The following FKBP1B variants were observed in gnomAD, a reference collection of about 807,000 sequenced individuals.
FKBP1B encodes the protein FKBP prolyl isomerase 1B, also known as peptidyl-prolyl cis-trans isomerase FKBP1B.
A neutral mutation model predicts 13.5 loss-of-function variants in FKBP1B; 4 were observed. That is an observed-to-expected ratio of 0.30 (90% CI 0.15 to 0.68). The LOEUF is 0.68. Among genes scored for constraint, FKBP1B ranks in the 30% least tolerant of loss-of-function variants. FKBP1B has a pLI of 0.76. For missense variants in FKBP1B, 93 were observed against 136.2 expected, an observed-to-expected ratio of 0.68 and a Z score of 1.58; for synonymous variants, 54 against 53.6, an observed-to-expected ratio of 1.01 and a Z score of -0.03.
chr2:24,046,819 C>G (rs761581792), upstream of FKBP1B, among the ~76,000 whole-genome samples: 6 of 152,156 alleles, frequency 3.9e-5, no homozygotes, highest in Non-Finnish European at 5.9e-5. Context: ...GTTTGGCTGT[C>G]AAACTTTTTC....
chr2:24,038,418 G>A, the FKBP1B span: 2 of 1,614,160 alleles, frequency 1.2e-6, no homozygotes, highest in Non-Finnish European at 1.7e-6. Context: ...TATTACAAGT[G>A]TTGGAAGCCA....
chr2:24,060,845 A>C lies in FKBP1B; in HGVS notation c.117A>C (p.Ser39=). Residue 39 remains serine (S), a synonymous_variant, in exon 3 of 4, where the codon TCA becomes TCC. Transcript: ENST00000380986. ...TCCAAAATGGGAAGAAGTTTGATTC[A>C]TCCAGAGACAGAAACAAACCTTTCA... ...GMLQNGKKFD[S]SRDRNKPFKF... The C allele has an allele frequency of 6.2e-7, 1 of 1,614,198 alleles. No individual in the cohort carries two copies. The highest frequency in any genetic ancestry group is 8.5e-7 in the Non-Finnish European group (1 of 1,180,006).
the FKBP1B span, chr2:24,033,267 C>G: frequency 4.3e-6 from 2 of 468,540 alleles, no homozygotes; most frequent in Non-Finnish European, 8.6e-6. Flanking sequence ...GGTAAGAACA[C>G]CTTCTTGGCT....
chr2:24,039,588 A>G, the FKBP1B span: 2 of 1,331,100 alleles, frequency 1.5e-6, no homozygotes, highest in African/African-American at 1.5e-5. Flanking sequence ...TGGTAAGACA[A>G]CGGCTTAGCC....
Position 24,063,461 on chromosome 2 carries a change from A to C in FKBP1B, c.*269A>C. ...GCATGTAGTAGCCTTTCCTGATGAC[A>C]GAACACAGATCTCTTGTTCGCACAA... On this transcript the variant is annotated 3_prime_UTR_variant, in exon 4 of 4. Transcript: ENST00000380986. The C allele has an allele frequency of 2.7e-6, 1 of 377,256 alleles. No homozygotes were observed. The allele number at this position is 377,256 out of a possible 1,614,324, so 23.4% of individuals were successfully genotyped here.
At chr2:24,053,086 A>C (rs1288791934) in intron 1 of FKBP1B, among the ~76,000 whole-genome samples, 1 of 151,892 alleles carries the variant, frequency 6.6e-6, no homozygotes, top group Non-Finnish European at 1.5e-5. Context: ...TACTCAGTAA[A>C]TATTTGTGGT....
the FKBP1B span, among the ~76,000 whole-genome samples, chr2:24,040,287 A>T: frequency 1.3e-5 from 2 of 152,246 alleles, no homozygotes; most frequent in African/African-American, 2.4e-5. Context: ...CAAATGTAGC[A>T]AAATGTTAAT....
intron 2 of FKBP1B, among the ~76,000 whole-genome samples, chr2:24,055,430 G>A (rs113257407): frequency 6.2e-4 from 94 of 152,002 alleles, no homozygotes; most frequent in Non-Finnish European, 1.1e-3. Flanking sequence ...GGCTGGTCTC[G>A]AACGCCTGTA....
the FKBP1B span, among the ~76,000 whole-genome samples, chr2:24,035,169 C>T: frequency 6.7e-6 from 1 of 149,808 alleles, no homozygotes; most frequent in East Asian, 2.0e-4. Context: ...TTTTCCTCAA[C>T]AAGTATATAT....
intron 2 of FKBP1B, among the ~76,000 whole-genome samples, chr2:24,055,108 C>T (rs1370455128): frequency 3.9e-5 from 6 of 151,990 alleles, no homozygotes; most frequent in African/African-American, 1.4e-4. Context: ...ATAGAACATA[C>T]AAGCATAGAA....
At position 24,053,964 on chromosome 2, in the gene FKBP1B, C is replaced by T. The variant is rs868020850; in HGVS notation, c.85+15C>T. On this transcript the variant is annotated intron_variant, in intron 2 of 3. Coordinates refer to ENST00000380986, the MANE Select transcript of FKBP1B (RefSeq NM_004116.5). ...GCACTACACAGGTAAGTCTCACCCC[C>T]TCAGCCCCCACCCAGTCCTTCCCCT... 1 of 1,613,622 alleles carries T rather than the reference C, an allele frequency of 6.2e-7. No individual in the cohort carries two copies. The highest frequency in any genetic ancestry group is 8.5e-7 in the Non-Finnish European group (1 of 1,179,498).
At chr2:24,038,843 C>A in the FKBP1B span, 1 of 1,614,098 alleles carries the variant, frequency 6.2e-7, no homozygotes, top group African/African-American at 1.3e-5. Context: ...GTAGCTATAG[C>A]AACCTGTGAG....
the FKBP1B span, chr2:24,038,960 G>A: frequency 6.2e-7 from 1 of 1,614,194 alleles, no homozygotes; most frequent in Non-Finnish European, 8.5e-7. Flanking sequence ...TAAGAATGCA[G>A]GCTGCTGCCT....
At chr2:24,054,112 G>A in intron 2 of FKBP1B, 163 bp downstream of exon 2, 1 of 740,574 alleles carries the variant, frequency 1.4e-6, no homozygotes, top group Non-Finnish European at 2.5e-6. Flanking sequence ...AGCCAGTCTA[G>A]TGGGAATGAT....
At chr2:24,036,101 T>TAAA in the FKBP1B span, among the ~76,000 whole-genome samples, 1 of 148,288 alleles carries the variant, frequency 6.7e-6, no homozygotes, top group African/African-American at 2.5e-5. Context: ...AATAAATAAA[T>TAAA]AAATAAAATA....
In FKBP1B at chr2:24,060,903, G is replaced by A; in HGVS notation, c.175G>A (p.Gly59Ser). Residue 59 changes from glycine (G) to serine (S), a missense_variant, in exon 3 of 4, where the codon GGT (glycine) becomes AGT (serine). Physicochemically the swap from Gly to Ser is moderately conservative, Grantham distance 56. Transcript: ENST00000380986. ...FRIGKQEVIK[G>S]FEEGAAQMSL... ...AATTGGCAAACAGGAAGTCATCAAA[G>A]GTTTTGAAGAGGGTGCAGCCCAGGT... 1 of 1,614,062 alleles carries A rather than the reference G, an allele frequency of 6.2e-7. No homozygotes were observed. The highest frequency in any genetic ancestry group is 8.5e-7 in the Non-Finnish European group (1 of 1,179,934).
At chr2:24,037,403 T>C in the FKBP1B span, among the ~76,000 whole-genome samples, 3 of 152,236 alleles carry the variant, frequency 2.0e-5, no homozygotes, top group Admixed American at 2.0e-4. Context: ...TGATTTTTTT[T>C]CTAAATATAA....
Position 24,050,750 on chromosome 2 carries a change from A to G in FKBP1B, c.37+864A>G, listed in dbSNP as rs920671846. Among the ~76,000 whole-genome samples, 1 of 152,184 alleles carries G rather than the reference A, an allele frequency of 6.6e-6. No individual in the cohort carries two copies. The highest frequency in any genetic ancestry group is 1.5e-5 in the Non-Finnish European group (1 of 68,038). ...CATTGTCTGCAGGGTTTGATGGGCA[A>G]ACTTCATATCAGATATTATTAATAT... On this transcript the variant is annotated intron_variant, in intron 1 of 3. Transcript: ENST00000380986. The surrounding 1 kb of genome is among the most constrained non-coding windows in gnomAD (Gnocchi z 5.8).
the FKBP1B span, among the ~76,000 whole-genome samples, chr2:24,041,223 C>T: frequency 6.6e-6 from 1 of 151,170 alleles, no homozygotes; most frequent in African/African-American, 2.4e-5. Flanking sequence ...CCTGTAATCC[C>T]AGCTACTCAG....
Sources: allele counts gnomAD v4.1 joint callset (sites outside exome capture counted in the v4.1 genomes callset), GRCh38; gene constraint gnomAD v4.1.1; non-coding constraint Gnocchi (gnomAD v3.1); transcripts MANE v1.5; gene names NCBI Gene and HGNC (gene_info 2026-07-23, HGNC 2026-07-21).